The following DNAJC7 variants were observed in gnomAD, a reference collection of about 807,000 sequenced individuals.
DNAJC7 encodes DnaJ heat shock protein family (Hsp40) member C7.
DNAJC7 carries 18 observed loss-of-function variants against 67.4 expected under a neutral mutation model. That is an observed-to-expected ratio of 0.27 (90% CI 0.18 to 0.40). The LOEUF (loss-of-function observed/expected upper bound fraction) is 0.40. Among genes scored for constraint, DNAJC7 ranks in the 10% least tolerant of loss-of-function variants. DNAJC7 has a pLI of 1.00. For synonymous variants in DNAJC7, 220 were observed against 207.8 expected (o/e 1.06, Z -0.50); for missense variants, 419 against 613.8 (o/e 0.68, Z 3.35).
At chr17:42,002,985 C>T (rs1555649660) in intron 1 of DNAJC7, among the ~76,000 whole-genome samples, 5 of 152,126 alleles carry the variant, frequency 3.3e-5, no homozygotes. Context: ...CTTTGCCTCC[C>T]CAAAGAAATG....
intron 1 of DNAJC7, among the ~76,000 whole-genome samples, chr17:42,002,437 C>T (rs1468148792): frequency 6.6e-6 from 1 of 152,178 alleles, no homozygotes; most frequent in Admixed American, 6.5e-5. Flanking sequence ...TAGTCTCCTC[C>T]TTCCTAAGAC....
At chr17:41,980,686 C>T (rs1276757893) in intron 12 of DNAJC7, among the ~76,000 whole-genome samples, 1 of 152,212 alleles carries the variant, frequency 6.6e-6, no homozygotes, top group Non-Finnish European at 1.5e-5. Context: ...GCGTAAGCCA[C>T]CGCGCCCAGC....
In DNAJC7 at chr17:41,981,939, C is replaced by A. The variant is rs200521454; in HGVS notation, c.1300G>T (p.Ala434Ser). 1.2e-6 allele frequency: 2 copies of A among 1,614,000 alleles called. No individual in the cohort carries two copies. The highest frequency in any genetic ancestry group is 8.5e-7 in the Non-Finnish European group (1 of 1,179,902). The stretch of plus-strand genomic sequence containing the variant: ...TTGGGATCAGAGAGGATAGTAAAGG[C>A]CTCTCCAACTTCCTTGAACTTCTTC... ...EEKKFKEVGE[A>S]FTILSDPKKK... The change falls in exon 12 of 14, where the codon GCC becomes TCC. Residue 434 changes from alanine (A) to serine (S), a missense_variant. By Grantham distance (99) the Ala-to-Ser change is moderately conservative (BLOSUM62 1). This residue lies in a region of DNAJC7 where 161 missense variants were observed against 252.2 expected (regional missense o/e 0.64). Coordinates refer to ENST00000457167, the MANE Select transcript of DNAJC7 (RefSeq NM_003315.4).
chr17:42,008,015 T>C (rs1555650578), intron 1 of DNAJC7, among the ~76,000 whole-genome samples: 1 of 151,556 alleles, frequency 6.6e-6, no homozygotes, highest in East Asian at 2.0e-4. Context: ...AAGTTTCTTT[T>C]TTAAAAAAAA....
chr17:42,002,685 T>TTGTG (rs1475803772), intron 1 of DNAJC7, among the ~76,000 whole-genome samples: 1 of 152,256 alleles, frequency 6.6e-6, no homozygotes, highest in Non-Finnish European at 1.5e-5. Flanking sequence ...AATACAAAGC[T>TTGTG]TGTGCACTTT....
At chr17:42,016,912 G>C in intron 1 of DNAJC7, 1 of 1,092,418 alleles carries the variant, frequency 9.2e-7, no homozygotes. Flanking sequence ...GGAAAACGGG[G>C]TGAGGAGAGC....
chr17:41,993,761 G>C (rs1158409663), intron 5 of DNAJC7, among the ~76,000 whole-genome samples: 1 of 152,156 alleles, frequency 6.6e-6, no homozygotes, highest in Non-Finnish European at 1.5e-5. Context: ...CTTTTGGCCG[G>C]GGAGGTGGCT....
In DNAJC7 at chr17:41,976,694, T is replaced by C. The variant is rs1555644882; in HGVS notation, c.*39A>G. 1.2e-6 allele frequency: 2 copies of C among 1,605,136 alleles called. No homozygotes were observed. The highest frequency in any genetic ancestry group is 1.1e-5 in the South Asian group (1 of 90,604). On this transcript the variant is annotated 3_prime_UTR_variant, in exon 14 of 14. Transcript: ENST00000457167. ...TTTCCACATTCAAGATTAAACTGAG[T>C]GAATCTGCATTTTCTGGGTTCTGGG...
At position 41,997,176 on chromosome 17, in the gene DNAJC7, CT is replaced by C; in HGVS notation, c.229del (p.Arg77GlyfsTer13). ...NRAATLMMLG[R>X]FREALGDAQQ... is the part of the protein sequence containing the mutation. ...TGCATCTCCAAGAGCTTCCCGGAAC[CT>C]TCCAAGCATCATCAAGGTGGCTGCT... On this transcript the variant is annotated frameshift_variant, in exon 3 of 14. Transcript: ENST00000457167. LOFTEE classifies it high-confidence loss of function. The C allele has an allele frequency of 6.2e-7, 1 of 1,614,010 alleles. No homozygotes were observed. The highest frequency in any genetic ancestry group is 2.2e-5 in the East Asian group (1 of 44,890).
chr17:41,989,677 G>C, intron 6 of DNAJC7, 120 bp from the exon 7 acceptor site: 2 of 1,314,194 alleles, frequency 1.5e-6, no homozygotes, highest in Non-Finnish European at 2.1e-6. Flanking sequence ...TCCAAAGGTA[G>C]ACAGATTCCC....
chr17:41,977,070 C>T (rs1430751341), intron 13 of DNAJC7, 191 bp downstream of exon 13: 1 of 687,656 alleles, frequency 1.5e-6, no homozygotes, highest in Non-Finnish European at 2.4e-6. Context: ...GCTAAAGGTC[C>T]CAAGGCAAGG....
At chr17:41,982,829 A>G (rs2051284569) in intron 10 of DNAJC7, among the ~76,000 whole-genome samples, 1 of 152,018 alleles carries the variant, frequency 6.6e-6, no homozygotes. Flanking sequence ...GCGTGGTACC[A>G]TGTGCCTGTA....
intron 9 of DNAJC7, among the ~76,000 whole-genome samples, chr17:41,986,953 TATA>T (rs1253532090): frequency 6.6e-6 from 1 of 152,178 alleles, no homozygotes; most frequent in Non-Finnish European, 1.5e-5. Context: ...TATGACATTT[TATA>T]ATAAGGAGTG....
chr17:42,002,731 C>T (rs955574866), intron 1 of DNAJC7, among the ~76,000 whole-genome samples: 2 of 152,150 alleles, frequency 1.3e-5, no homozygotes, highest in Non-Finnish European at 2.9e-5. Flanking sequence ...TGCTTGCCTC[C>T]GCTTACTGCT....
At chr17:42,009,641 C>A (rs533704518) in intron 1 of DNAJC7, among the ~76,000 whole-genome samples, 32 of 152,220 alleles carry the variant, frequency 2.1e-4, no homozygotes, top group Non-Finnish European at 4.6e-4. Flanking sequence ...GGAGACCCAA[C>A]AATGAAGCTA....
chr17:41,977,224 T>G lies in DNAJC7; in HGVS notation c.1447+37A>C, dbSNP rs114905433. 6,208 of 1,561,466 alleles carry G rather than the reference T, an allele frequency of 4.0e-3. 225 individuals carry two copies. The African/African-American group carries it at 0.076, about 19-fold the overall frequency. ...AAGAGGCAATGAGTGTGTTGGCTTG[T>G]GATCTGGGAACTCCCAAGAACAGCA... On this transcript the variant is annotated intron_variant, in intron 13 of 13. Coordinates refer to ENST00000457167, the MANE Select transcript of DNAJC7 (RefSeq NM_003315.4).
intron 1 of DNAJC7, among the ~76,000 whole-genome samples, chr17:42,004,166 A>G (rs1434602701): frequency 6.6e-6 from 1 of 151,760 alleles, no homozygotes; most frequent in Non-Finnish European, 1.5e-5. Context: ...TGTTGGCCAG[A>G]CTGGTCTCAA....
At chr17:41,996,668 G>A (rs2051667189) in intron 3 of DNAJC7, among the ~76,000 whole-genome samples, 1 of 152,146 alleles carries the variant, frequency 6.6e-6, no homozygotes, top group Non-Finnish European at 1.5e-5. Context: ...TTAGCCGGGT[G>A]TGGTGGCATA....
chr17:41,987,232 G>C (rs1567957695), intron 9 of DNAJC7, among the ~76,000 whole-genome samples: 2 of 152,106 alleles, frequency 1.3e-5, no homozygotes, highest in African/African-American at 4.8e-5. Context: ...CACCCTGTCA[G>C]ACACAGAGTG....
Sources: allele counts gnomAD v4.1 joint callset (sites outside exome capture counted in the v4.1 genomes callset), GRCh38; gene constraint gnomAD v4.1.1; regional missense constraint gnomAD v4.1.1; transcripts MANE v1.5; gene names NCBI Gene and HGNC (gene_info 2026-07-23, HGNC 2026-07-21).